TBL1X: variants seen among roughly 807,000 people sequenced by gnomAD.
TBL1X encodes the protein F-box-like/WD repeat-containing protein TBL1X.
Under a neutral mutation model 50.7 loss-of-function variants are expected in TBL1X, and 10 were observed. The ratio of observed to expected loss-of-function variants is 0.20; its 90% CI spans 0.12 to 0.33. The LOEUF (loss-of-function observed/expected upper bound fraction) is 0.33. Among genes scored for constraint, TBL1X ranks in the 10% least tolerant of loss-of-function variants. TBL1X has a pLI of 1.00. For synonymous variants in TBL1X, 190 were observed against 214.7 expected (o/e 0.88, Z 1.01); for missense variants, 340 against 504.4 (o/e 0.67, Z 3.12).
intron 2 of TBL1X, among the ~76,000 whole-genome samples, chrX:9,589,517 G>T (rs746529715): frequency 9.0e-6 from 1 of 111,291 alleles, no homozygotes; most frequent in East Asian, 2.8e-4. Context: ...TGAGCCTTCC[G>T]ATCGGAGTTT....
At chrX:9,592,636 C>T (rs758543723) in intron 2 of TBL1X, among the ~76,000 whole-genome samples, 3 of 111,481 alleles carry the variant, frequency 2.7e-5, no homozygotes, top group South Asian at 7.7e-4. Flanking sequence ...TCCACACTCC[C>T]CTCCCCACAC....
intron 2 of TBL1X, among the ~76,000 whole-genome samples, chrX:9,520,256 C>T (rs998243919): frequency 1.7e-4 from 19 of 112,042 alleles, no homozygotes; most frequent in African/African-American, 5.5e-4. Context: ...CTGGATTTAG[C>T]GGCTATTTAC....
chrX:9,569,236 AGTGTGCTGTGTGT>A (rs1182074448), intron 2 of TBL1X, among the ~76,000 whole-genome samples: 1 of 84,394 alleles, frequency 1.2e-5, no homozygotes, highest in Non-Finnish European at 2.3e-5. Flanking sequence ...TGGTGTCTGC[AGTGTGCTGTGTGT>A]GTGTGGTGTG....
rs901440512 is a variant in TBL1X at position 9,572,125 on chromosome X, C to G, written c.-130-68148C>G. ...CATGTCACACCCCCGCGGAAAACTCCACAGCTTTCCTCATGTGCCCTTTCC... is the reference window on the plus strand; with the variant it reads ...CATGTCACACCCCCGCGGAAAACTCGACAGCTTTCCTCATGTGCCCTTTCC... On this transcript the variant is annotated intron_variant, in intron 2 of 17. Coordinates refer to ENST00000645353, the MANE Select transcript of TBL1X (RefSeq NM_005647.4). 8.9e-5 allele frequency among the ~76,000 whole-genome samples: 10 copies of G among 112,136 alleles called. No individual in the cohort carries two copies. In the South Asian group the frequency reaches 1.1e-3, roughly 12 times the overall value.
chrX:9,573,818 C>T (rs1049860747), intron 2 of TBL1X, among the ~76,000 whole-genome samples: 5 of 112,865 alleles, frequency 4.4e-5, no homozygotes, highest in African/African-American at 1.3e-4. Flanking sequence ...GGCCGGGGCA[C>T]GCTGTGTCCC....
intron 1 of TBL1X, among the ~76,000 whole-genome samples, chrX:9,491,651 A>G (rs1215247513): frequency 4.5e-5 from 5 of 110,583 alleles, no homozygotes; most frequent in Non-Finnish European, 7.5e-5. Flanking sequence ...AGACTCATTT[A>G]TGAGGTATCC....
At chrX:9,593,812 T>C (rs186809984) in intron 2 of TBL1X, among the ~76,000 whole-genome samples, 1 of 111,713 alleles carries the variant, frequency 9.0e-6, no homozygotes, top group East Asian at 2.8e-4. Flanking sequence ...TCCCCTCCCT[T>C]TTCTTTCATG....
At chrX:9,552,037 A>G (rs1461347329) in intron 2 of TBL1X, among the ~76,000 whole-genome samples, 5 of 112,239 alleles carry the variant, frequency 4.5e-5, no homozygotes, top group Non-Finnish European at 3.8e-5. Context: ...CGGGTGGTCC[A>G]AGAGAGGCCG....
At chrX:9,616,745 T>C (rs1017637434) in intron 2 of TBL1X, among the ~76,000 whole-genome samples, 4 of 112,230 alleles carry the variant, frequency 3.6e-5, no homozygotes, top group African/African-American at 1.3e-4. Context: ...GTATGTTGCT[T>C]TCCAGGGAGC....
chrX:9,482,266 T>C (rs1257302540), intron 1 of TBL1X, among the ~76,000 whole-genome samples: 3 of 112,022 alleles, frequency 2.7e-5, no homozygotes, highest in Non-Finnish European at 3.8e-5. Context: ...TGCCACCACC[T>C]TCCTCGTCTA....
chrX:9,504,265 C>A (rs1302959388), intron 2 of TBL1X, among the ~76,000 whole-genome samples: 1 of 111,750 alleles, frequency 8.9e-6, no homozygotes, highest in Non-Finnish European at 1.9e-5. Flanking sequence ...CAACAACAAT[C>A]AAATAAAAGG....
chrX:9,580,512 G>A (rs1233855755), intron 2 of TBL1X, among the ~76,000 whole-genome samples: 8 of 111,890 alleles, frequency 7.1e-5, no homozygotes, highest in South Asian at 3.7e-4. Context: ...GAGGCCTGTC[G>A]TTGAATAGAA....
chrX:9,499,890 C>CT (rs2081991368), intron 1 of TBL1X, among the ~76,000 whole-genome samples: 1 of 109,671 alleles, frequency 9.1e-6, no homozygotes, highest in Non-Finnish European at 1.9e-5. Flanking sequence ...GCAGGAGACT[C>CT]TCATTTGAAC....
At chrX:9,513,417 T>C (rs945174127) in intron 2 of TBL1X, among the ~76,000 whole-genome samples, 1 of 111,500 alleles carries the variant, frequency 9.0e-6, no homozygotes, top group Non-Finnish European at 1.9e-5. Flanking sequence ...GGTTAACCTC[T>C]TTCTGCCTTA....
intron 1 of TBL1X, among the ~76,000 whole-genome samples, chrX:9,493,690 A>C (rs2081958143): frequency 9.0e-6 from 1 of 110,976 alleles, no homozygotes; most frequent in Admixed American, 9.6e-5. Flanking sequence ...GAACCTGGGA[A>C]GTCGAGGCTG....
chrX:9,598,165 C>G (rs1387892925), intron 2 of TBL1X, among the ~76,000 whole-genome samples: 1 of 111,605 alleles, frequency 9.0e-6, no homozygotes, highest in Non-Finnish European at 1.9e-5. Flanking sequence ...AAGAAACCAA[C>G]CCTACTGACG....
intron 5 of TBL1X, among the ~76,000 whole-genome samples, chrX:9,681,222 C>T (rs1032438826): frequency 1.8e-5 from 2 of 112,131 alleles, no homozygotes; most frequent in Non-Finnish European, 3.8e-5. Context: ...TCCAGAGCTG[C>T]CAGTGGTCTA....
At chrX:9,502,639 A>G (rs1220355047) in intron 2 of TBL1X, among the ~76,000 whole-genome samples, 2 of 112,539 alleles carry the variant, frequency 1.8e-5, no homozygotes, top group Non-Finnish European at 3.8e-5. Context: ...ACTGTCTCCA[A>G]TTGCTTTGTG....
At chrX:9,474,223 T>C (rs1224755580) in intron 1 of TBL1X, among the ~76,000 whole-genome samples, 1 of 112,999 alleles carries the variant, frequency 8.8e-6, no homozygotes, top group Non-Finnish European at 1.9e-5. Flanking sequence ...ATATATTTAA[T>C]AAATTACATG....
Sources: gnomAD v4.1 joint callset for allele counts (sites outside exome capture counted in the v4.1 genomes callset) on GRCh38, gnomAD v4.1.1 for gene constraint, MANE v1.5 for transcripts, NCBI Gene and HGNC (gene_info 2026-07-23, HGNC 2026-07-21) for gene names.